NRG2: variants seen among roughly 807,000 people sequenced by gnomAD.
The protein encoded by NRG2 is neuregulin 2.
Under a neutral mutation model 73.9 loss-of-function variants are expected in NRG2, and 27 were observed. The observed-to-expected ratio is 0.37, with a 90% CI of 0.27 to 0.50. NRG2 has a LOEUF of 0.50. NRG2 is among the 20% of genes least tolerant of loss of function. The probability of loss-of-function intolerance (pLI) is 0.96; values close to 1 mark genes in which losing one functional copy is unlikely to be tolerated. For missense variants in NRG2, 1,126 were observed against 1,210.1 expected (o/e 0.93, Z 1.03); for synonymous variants, 532 against 541.0 (o/e 0.98, Z 0.23).
intron 4 of NRG2, among the ~76,000 whole-genome samples, chr5:139,867,793 T>TGTGA (rs1554101284): frequency 4.5e-5 from 6 of 132,542 alleles, no homozygotes; most frequent in Non-Finnish European, 7.7e-5. Context: ...TGTGTGTGTG[T>TGTGA]GTGTATGAGT....
chr5:139,855,622 T>C, intron 6 of NRG2, 54 bp downstream of exon 6: 1 of 1,427,046 alleles, frequency 7.0e-7, no homozygotes. Context: ...CACACATTCT[T>C]GGAGGCCCAT....
chr5:139,887,555 G>T lies in NRG2; in HGVS notation c.701-44C>A. The T allele has an allele frequency of 1.3e-6, 2 of 1,577,210 alleles. No individual in the cohort carries two copies. Among genetic ancestry groups the T allele is most frequent in the Non-Finnish European group, 1.7e-6 (2 of 1,150,832 alleles). On this transcript the variant is annotated intron_variant, in intron 1 of 9. Coordinates refer to ENST00000361474, the MANE Select transcript of NRG2 (RefSeq NM_004883.3). The surrounding 1 kb of genome is among the most constrained non-coding windows in gnomAD (Gnocchi z 4.5). Reference sequence around the variant, plus strand: ...GTAGGTGAGCACGGTGGTGGTAGGGGCAGTGCCAAGCATGAGTAGTGGAGA... The same window carrying T: ...GTAGGTGAGCACGGTGGTGGTAGGGTCAGTGCCAAGCATGAGTAGTGGAGA...
chr5:139,965,081 C>A lies in NRG2; in HGVS notation c.700+77289G>T, dbSNP rs960164372. Among the ~76,000 whole-genome samples, 25 of 152,242 alleles carry A rather than the reference C, an allele frequency of 1.6e-4. 1 individual carries two copies. The highest frequency in any genetic ancestry group is 2.4e-4 in the Non-Finnish European group (16 of 68,044). On this transcript the variant is annotated intron_variant, in intron 1 of 9. Transcript: ENST00000361474. ...ATCAGCACTGCCCCAGGGCAAGAAC[C>A]CTACCACCACCTTGTTAACCCCTCA...
At chr5:139,875,627 C>G (rs571912781) in intron 3 of NRG2, among the ~76,000 whole-genome samples, 1 of 152,102 alleles carries the variant, frequency 6.6e-6, no homozygotes, top group Non-Finnish European at 1.5e-5. Context: ...GAATGAAAAT[C>G]AAAGCCACAA....
At chr5:139,857,145 G>C (rs1217499147) in intron 5 of NRG2, among the ~76,000 whole-genome samples, 3 of 152,184 alleles carry the variant, frequency 2.0e-5, no homozygotes, top group Non-Finnish European at 2.9e-5. Flanking sequence ...GCTTTGGAAT[G>C]GTTCTTCTCT....
At position 139,870,753 on chromosome 5, in the gene NRG2, T is replaced by C. The variant is rs1342646297; in HGVS notation, c.1112+968A>G. Among the ~76,000 whole-genome samples the C allele has an allele frequency of 6.6e-6, 1 of 152,170 alleles. No individual in the cohort carries two copies. Among genetic ancestry groups the C allele is most frequent in the Non-Finnish European group, 1.5e-5 (1 of 68,006 alleles). ...CTCTCCTAGATCTGTCTGGAGCCTA[T>C]GCTGCCCTCACCAAGCTCCCCTCCC... On this transcript the variant is annotated intron_variant, in intron 4 of 9. Coordinates refer to ENST00000361474, the MANE Select transcript of NRG2 (RefSeq NM_004883.3). The surrounding 1 kb of genome is among the most constrained non-coding windows in gnomAD (Gnocchi z 4.4).
At chr5:139,939,287 CT>C (rs1028661171) in intron 1 of NRG2, among the ~76,000 whole-genome samples, 2 of 139,480 alleles carry the variant, frequency 1.4e-5, no homozygotes, top group African/African-American at 5.4e-5. Context: ...TCTTTCCTTT[CT>C]TTTTTTAAAT....
At chr5:139,971,533 G>T (rs1283020988) in intron 1 of NRG2, among the ~76,000 whole-genome samples, 1 of 152,020 alleles carries the variant, frequency 6.6e-6, no homozygotes, top group Non-Finnish European at 1.5e-5. Flanking sequence ...CATGCCTTTG[G>T]CCCAAACCCA....
chr5:139,938,936 AG>A (rs1335119902), intron 1 of NRG2, among the ~76,000 whole-genome samples: 11 of 144,836 alleles, frequency 7.6e-5, no homozygotes, highest in South Asian at 2.3e-4. Flanking sequence ...AAAGAAAGAA[AG>A]AAAGAAAGAA....
chr5:139,969,256 T>G (rs568491745), intron 1 of NRG2, among the ~76,000 whole-genome samples: 1 of 152,384 alleles, frequency 6.6e-6, no homozygotes, highest in East Asian at 1.9e-4. Context: ...GAAGCTTTTC[T>G]GAAGCAAGTT....
chr5:139,881,284 A>C (rs1209876219), intron 2 of NRG2, among the ~76,000 whole-genome samples: 1 of 152,094 alleles, frequency 6.6e-6, no homozygotes, highest in African/African-American at 2.4e-5. Context: ...TGGGGGAGTA[A>C]AGCCAGGCCC....
At chr5:139,996,991 A>C (rs1043637046) in intron 1 of NRG2, among the ~76,000 whole-genome samples, 1 of 151,856 alleles carries the variant, frequency 6.6e-6, no homozygotes, top group African/African-American at 2.4e-5. Flanking sequence ...AAATACAAAA[A>C]ATTAGCAGGG....
chr5:139,945,097 A>G, intron 1 of NRG2, among the ~76,000 whole-genome samples: 1 of 151,724 alleles, frequency 6.6e-6, no homozygotes, highest in Non-Finnish European at 1.5e-5. Flanking sequence ...TTTTTAATCG[A>G]ACTGTATGTT....
At chr5:139,918,479 A>G (rs867229102) in intron 1 of NRG2, among the ~76,000 whole-genome samples, 26 of 152,170 alleles carry the variant, frequency 1.7e-4, no homozygotes, top group African/African-American at 6.3e-4. Context: ...GCTTCCAGAT[A>G]GCTTGTCTCG....
intron 1 of NRG2, among the ~76,000 whole-genome samples, chr5:140,007,472 T>C (rs183465838): frequency 2.6e-5 from 4 of 151,924 alleles, no homozygotes; most frequent in Admixed American, 2.6e-4. Context: ...GATCAAGAGC[T>C]CAGAAAGAGG....
intron 1 of NRG2, among the ~76,000 whole-genome samples, chr5:139,968,601 A>G (rs1256678653): frequency 6.6e-6 from 1 of 152,228 alleles, no homozygotes; most frequent in African/African-American, 2.4e-5. Context: ...GGAAGGGCAG[A>G]GGGGTAGCTC....
chr5:139,860,382 T>G (rs370621533), intron 5 of NRG2, among the ~76,000 whole-genome samples: 2 of 151,914 alleles, frequency 1.3e-5, no homozygotes, highest in South Asian at 2.1e-4. Context: ...TTTTTTTTTT[T>G]TTGTTCAGAG....
chr5:139,977,447 G>T (rs1756459158), intron 1 of NRG2, among the ~76,000 whole-genome samples: 1 of 152,108 alleles, frequency 6.6e-6, no homozygotes, highest in African/African-American at 2.4e-5. Context: ...AGAGGTATCA[G>T]TAGACAATGG....
chr5:139,938,888 GAA>G (rs1175422454), intron 1 of NRG2, among the ~76,000 whole-genome samples: 4 of 67,644 alleles, frequency 5.9e-5, no homozygotes, highest in Non-Finnish European at 1.1e-4. Flanking sequence ...GAGAAGGAAA[GAA>G]AGAAAGAAAG....
Sources: allele counts gnomAD v4.1 joint callset (sites outside exome capture counted in the v4.1 genomes callset), GRCh38; gene constraint gnomAD v4.1.1; non-coding constraint Gnocchi (gnomAD v3.1); transcripts MANE v1.5; gene names NCBI Gene and HGNC (gene_info 2026-07-23, HGNC 2026-07-21).